ANK2: variants seen among roughly 807,000 people sequenced by gnomAD.
The protein encoded by ANK2 is ankyrin 2.
Under a neutral mutation model 360.5 loss-of-function variants are expected in ANK2, and 83 were observed. That is an observed-to-expected ratio of 0.23 (90% CI 0.19 to 0.28). The LOEUF is 0.28. Ranked by LOEUF, ANK2 falls within the 10% of genes least tolerant of loss-of-function variation. The pLI is 1.00. For missense variants in ANK2, 4,201 were observed against 4,795.7 expected (o/e 0.88, Z 3.66); for synonymous variants, 1,740 against 1,759.5 (o/e 0.99, Z 0.28).
chr4:113,171,401 T>C (rs1197592865), intron 1 of ANK2, among the ~76,000 whole-genome samples: 1 of 152,234 alleles, frequency 6.6e-6, no homozygotes, highest in African/African-American at 2.4e-5. Flanking sequence ...TATGCAGGTA[T>C]ATAAATTTGG....
chr4:112,952,133 C>T (rs2095062943), intron 2 of ANK2, among the ~76,000 whole-genome samples: 1 of 152,154 alleles, frequency 6.6e-6, no homozygotes, highest in Non-Finnish European at 1.5e-5. Flanking sequence ...ACGTTGATGT[C>T]AATCTACCAA....
Position 113,009,925 on chromosome 4 carries a change from TAC to T in ANK2, c.21+105432_21+105433del, listed in dbSNP as rs3028929. ...TTTCCTAAGGCCCCATTGTTGAGAG[TAC>T]ACACACACACACACACACACTCACA... On this transcript the variant is annotated intron_variant, in intron 2 of 30. Transcript: ENST00000503271. 2.3e-3 allele frequency among the ~76,000 whole-genome samples: 338 copies of T among 149,542 alleles called. 1 individual carries two copies. The highest frequency in any genetic ancestry group is 7.2e-3 in the African/African-American group (293 of 40,712).
intron 1 of ANK2, among the ~76,000 whole-genome samples, chr4:112,892,920 G>C (rs112468569): frequency 6.6e-6 from 1 of 152,156 alleles, no homozygotes; most frequent in Admixed American, 6.5e-5. Flanking sequence ...TTTAGGATGC[G>C]TAGTGGGTAA....
At chr4:112,772,042 G>C in the ANK2 span, among the ~76,000 whole-genome samples, 1 of 152,104 alleles carries the variant, frequency 6.6e-6, no homozygotes, top group Non-Finnish European at 1.5e-5. Context: ...AATCCTTCTC[G>C]CATATGCTGC....
intron 2 of ANK2, among the ~76,000 whole-genome samples, chr4:113,190,689 G>A (rs1033544885): frequency 6.6e-6 from 1 of 152,090 alleles, no homozygotes; most frequent in African/African-American, 2.4e-5. Flanking sequence ...GTTTAAAAGT[G>A]CAGTTTCTGA....
intron 1 of ANK2, among the ~76,000 whole-genome samples, chr4:113,163,358 C>T (rs553259505): frequency 3.9e-5 from 6 of 152,012 alleles, no homozygotes; most frequent in Non-Finnish European, 7.4e-5. Context: ...CATTTGCGAC[C>T]CACATACTTT....
At position 113,356,753 on chromosome 4, in the gene ANK2, C is replaced by G; in HGVS notation, c.8135C>G (p.Pro2712Arg). 1.2e-6 allele frequency: 2 copies of G among 1,614,114 alleles called. No homozygotes were observed. The highest frequency in any genetic ancestry group is 1.7e-6 in the Non-Finnish European group (2 of 1,179,978). ...AGTCCAGAAGAAGTACAATTCCAGC[C>G]TGTCGTTTCCAAACAATATACTTTC... ...NSSPEEVQFQPVVSKQYTFKM... is the reference protein window; with the variant it reads ...NSSPEEVQFQRVVSKQYTFKM... Residue 2712 changes from proline to arginine, a missense_variant, in exon 38 of 46, where the codon CCT becomes CGT. By Grantham distance (103) the Pro-to-Arg change is moderately radical. Coordinates refer to ENST00000357077, the MANE Select transcript of ANK2 (RefSeq NM_001148.6).
Position 112,889,564 on chromosome 4 carries a change from C to CT in ANK2, c.-39-14881dup, listed in dbSNP as rs376874100. Among the ~76,000 whole-genome samples the CT allele has an allele frequency of 5.0e-3, 732 of 145,870 alleles. 4 individuals carry two copies. Among genetic ancestry groups the CT allele is most frequent in the African/African-American group, 0.011 (437 of 39,978 alleles). The stretch of plus-strand genomic sequence containing the variant: ...AGATTTTTCTATTTTTTTCCTTGTT[C>CT]TTTTTTTTTTGACTGGGTTCCTAAT... On this transcript the variant is annotated intron_variant, in intron 1 of 30. Transcript: ENST00000503271.
In ANK2 at chr4:112,855,452, G is replaced by A. The variant is rs563826057; in HGVS notation, c.-40+37188G>A. On this transcript the variant is annotated intron_variant, in intron 1 of 30. Transcript: ENST00000503271. ...GACAACAGGTTGCATAGGTTTTTGA[G>A]AGGTAAATTTATTTCTCTTCCCTGC... 3.9e-4 allele frequency among the ~76,000 whole-genome samples: 59 copies of A among 152,314 alleles called. No individual in the cohort carries two copies. The South Asian group carries it at 0.012, about 31-fold the overall frequency.
chr4:113,374,019 G>A (rs2096838464), intron 45 of ANK2, among the ~76,000 whole-genome samples: 1 of 152,182 alleles, frequency 6.6e-6, no homozygotes, highest in African/African-American at 2.4e-5. Context: ...CCACCTCCGG[G>A]TTCAAGCAAT....
intron 1 of ANK2, among the ~76,000 whole-genome samples, chr4:112,831,133 G>A (rs1206823460): frequency 9.9e-5 from 15 of 152,244 alleles, no homozygotes; most frequent in Admixed American, 9.8e-4. Context: ...CCCAATGGGT[G>A]CTGCCCCCTA....
intron 15 of ANK2, 41 bp from the exon 16 acceptor site, chr4:113,277,793 TACA>T (rs2153698017): frequency 1.3e-6 from 2 of 1,498,210 alleles, no homozygotes; most frequent in South Asian, 2.3e-5. Flanking sequence ...TTTGAGGAGT[TACA>T]ACAATAAATA....
chr4:113,053,001 T>G (rs1370654014), intron 1 of ANK2, among the ~76,000 whole-genome samples: 1 of 152,218 alleles, frequency 6.6e-6, no homozygotes, highest in Non-Finnish European at 1.5e-5. Flanking sequence ...TAATCTCATT[T>G]GGCAAGAGAG....
intron 2 of ANK2, among the ~76,000 whole-genome samples, chr4:113,017,869 A>G (rs977852878): frequency 9.9e-5 from 15 of 152,214 alleles, no homozygotes; most frequent in African/African-American, 3.6e-4. Flanking sequence ...TTTTAGTGTC[A>G]AATAACCCAT....
chr4:112,874,249 T>C (rs181963378), intron 1 of ANK2, among the ~76,000 whole-genome samples: 1,517 of 147,826 alleles, frequency 0.01, 15 homozygotes, highest in African/African-American at 0.026. Context: ...GCCTGGCTAA[T>C]TTTTTGTATT....
intron 2 of ANK2, among the ~76,000 whole-genome samples, chr4:112,973,490 C>T (rs1413454971): frequency 1.3e-5 from 2 of 152,162 alleles, no homozygotes; most frequent in Non-Finnish European, 2.9e-5. Context: ...CTCTTTCCAT[C>T]CTGCTGTCTG....
the ANK2 span, among the ~76,000 whole-genome samples, chr4:112,729,940 TA>T: frequency 6.6e-6 from 1 of 151,904 alleles, no homozygotes; most frequent in Non-Finnish European, 1.5e-5. Context: ...ATATGAAATC[TA>T]AAAAGTCAAA....
At chr4:112,892,306 G>A (rs1344044428) in intron 1 of ANK2, among the ~76,000 whole-genome samples, 3 of 152,210 alleles carry the variant, frequency 2.0e-5, no homozygotes, top group African/African-American at 7.2e-5. Flanking sequence ...ATTTGCCCTT[G>A]GAATTAGACT....
the ANK2 span, among the ~76,000 whole-genome samples, chr4:112,783,730 A>G: frequency 6.6e-6 from 1 of 151,494 alleles, no homozygotes; most frequent in Non-Finnish European, 1.5e-5. Flanking sequence ...GCTCACTGCA[A>G]GCTCTGCCTC....
Sources: allele counts gnomAD v4.1 joint callset (sites outside exome capture counted in the v4.1 genomes callset), GRCh38; gene constraint gnomAD v4.1.1; transcripts MANE v1.5; gene names NCBI Gene and HGNC (gene_info 2026-07-23, HGNC 2026-07-21).